The following DUS2 variants were observed in gnomAD, a reference collection of about 807,000 sequenced individuals.
The protein encoded by DUS2 is tRNA-dihydrouridine(20) synthase [NAD(P)+]-like.
Under a neutral mutation model 71.3 loss-of-function variants are expected in DUS2, and 52 were observed. That is an observed-to-expected ratio of 0.73 (90% CI 0.58 to 0.92). The LOEUF is 0.92. Ranked by LOEUF, DUS2 falls within the 40% of genes least tolerant of loss-of-function variation. The pLI, the probability that DUS2 is intolerant of heterozygous loss-of-function variation, is 0.00. For missense variants in DUS2, 558 were observed against 622.6 expected (o/e 0.90, Z 1.10); for synonymous variants, 204 against 227.8 (o/e 0.90, Z 0.94).
At chr16:68,036,915 T>C (rs542046198) in intron 2 of DUS2, among the ~76,000 whole-genome samples, 1 of 152,292 alleles carries the variant, frequency 6.6e-6, no homozygotes. Context: ...TCAAATCTTA[T>C]CTTCTCATTA....
chr16:68,072,788 C>T (rs567614546), intron 12 of DUS2, among the ~76,000 whole-genome samples: 4 of 152,202 alleles, frequency 2.6e-5, no homozygotes, highest in Non-Finnish European at 4.4e-5. Context: ...TCTAGCCAGC[C>T]GACTTCCACT....
intron 8 of DUS2, among the ~76,000 whole-genome samples, chr16:68,062,528 G>A (rs1353751333): frequency 1.3e-5 from 2 of 151,478 alleles, no homozygotes; most frequent in Admixed American, 1.3e-4. Context: ...GACCATTCTG[G>A]CTAACACGGT....
At chr16:68,071,843 T>G (rs561378713) in intron 12 of DUS2, among the ~76,000 whole-genome samples, 1 of 152,312 alleles carries the variant, frequency 6.6e-6, no homozygotes, top group African/African-American at 2.4e-5. Context: ...CTCCCTATGT[T>G]GCCCAGGCTG....
chr16:68,038,416 G>A (rs2033567007), intron 3 of DUS2, among the ~76,000 whole-genome samples: 1 of 152,054 alleles, frequency 6.6e-6, no homozygotes, highest in Non-Finnish European at 1.5e-5. Context: ...GCAACATAGT[G>A]GGACCTCATC....
intron 3 of DUS2, among the ~76,000 whole-genome samples, chr16:68,048,339 A>G (rs1376554868): frequency 6.6e-6 from 1 of 152,192 alleles, no homozygotes; most frequent in African/African-American, 2.4e-5. Flanking sequence ...AGCACAGGCC[A>G]TTCAGTGCTT....
chr16:68,066,952 A>G (rs978648409), intron 10 of DUS2, among the ~76,000 whole-genome samples: 16 of 151,856 alleles, frequency 1.1e-4, no homozygotes, highest in Admixed American at 9.2e-4. Context: ...AATTTGCTCA[A>G]AATCATACCA....
Position 68,023,315 on chromosome 16 carries a change from G to GAAGAAGCGAGGTTCTTTTT in DUS2, c.-130_-112dup. Reference sequence around the variant, plus strand: ...GTGTGTGGAGCTGGAGCACCGTGAGGAAGAAGCGAGGTTCTTTTTAAGAGT... The same window carrying GAAGAAGCGAGGTTCTTTTT: ...GTGTGTGGAGCTGGAGCACCGTGAGGAAGAAGCGAGGTTCTTTTTAAGAAGCGAGGTTCTTTTTAAGAGT... On this transcript the variant is annotated 5_prime_UTR_variant, in exon 1 of 17. Coordinates refer to ENST00000565263, the MANE Select transcript of DUS2 (RefSeq NM_017803.5). 7.9e-7 allele frequency: 1 copy of GAAGAAGCGAGGTTCTTTTT among 1,269,030 alleles called. No homozygotes were observed. Among genetic ancestry groups the GAAGAAGCGAGGTTCTTTTT allele is most frequent in the South Asian group, 1.5e-5 (1 of 65,546 alleles). 78.6% of individuals were successfully genotyped at this position (1,269,030 alleles called of 1,614,324 possible). A position where few individuals can be genotyped will look rare whatever the true frequency, so the allele number is the denominator to read the frequency against.
At chr16:68,029,980 A>C (rs1457848623) in intron 2 of DUS2, among the ~76,000 whole-genome samples, 1 of 151,190 alleles carries the variant, frequency 6.6e-6, no homozygotes, top group African/African-American at 2.4e-5. Flanking sequence ...TCCTGGCCTC[A>C]AACGATCCTC....
intron 4 of DUS2, among the ~76,000 whole-genome samples, chr16:68,052,753 C>T (rs113258243): frequency 0.13 from 18,878 of 150,966 alleles, 1,276 homozygotes; most frequent in South Asian, 0.2. Flanking sequence ...AGAGATTGTG[C>T]TGCCTCAGCC....
chr16:68,032,364 A>T (rs1240368937), intron 2 of DUS2, among the ~76,000 whole-genome samples: 1 of 151,790 alleles, frequency 6.6e-6, no homozygotes, highest in Non-Finnish European at 1.5e-5. Context: ...AAGCAGCCAC[A>T]CTCCTGTTCT....
At chr16:68,048,905 C>T (rs904318400) in intron 3 of DUS2, among the ~76,000 whole-genome samples, 1 of 152,144 alleles carries the variant, frequency 6.6e-6, no homozygotes, top group Non-Finnish European at 1.5e-5. Flanking sequence ...GGTTTTCTTC[C>T]ATTTATGATG....
chr16:68,028,361 C>A (rs775269339), intron 2 of DUS2, among the ~76,000 whole-genome samples: 2 of 151,970 alleles, frequency 1.3e-5, no homozygotes, highest in Non-Finnish European at 2.9e-5. Context: ...AGAGGCCAGG[C>A]GCGGTGGCTC....
intron 11 of DUS2, among the ~76,000 whole-genome samples, 187 bp downstream of exon 11, chr16:68,070,407 A>G (rs2034067436): frequency 6.6e-6 from 1 of 152,198 alleles, no homozygotes; most frequent in Non-Finnish European, 1.5e-5. Flanking sequence ...TGCCTGTCTC[A>G]GGACTGAGGC....
intron 3 of DUS2, among the ~76,000 whole-genome samples, chr16:68,048,849 G>T (rs1450344996): frequency 6.6e-6 from 1 of 152,170 alleles, no homozygotes; most frequent in Admixed American, 6.5e-5. Context: ...GAACAGTCTT[G>T]TCTCCAACTA....
At chr16:68,048,307 G>A (rs1290727074) in intron 3 of DUS2, among the ~76,000 whole-genome samples, 1 of 152,134 alleles carries the variant, frequency 6.6e-6, no homozygotes, top group East Asian at 1.9e-4. Context: ...AGCTCAGTTT[G>A]GCTACTGAAT....
At chr16:68,071,965 A>T (rs1409363963) in intron 12 of DUS2, among the ~76,000 whole-genome samples, 1 of 152,232 alleles carries the variant, frequency 6.6e-6, no homozygotes, top group Non-Finnish European at 1.5e-5. Context: ...TCTTTGGCAC[A>T]ACCCTGGAAC....
intron 1 of DUS2, among the ~76,000 whole-genome samples, chr16:68,024,310 G>A (rs761930485): frequency 2.0e-5 from 3 of 151,998 alleles, no homozygotes; most frequent in African/African-American, 7.2e-5. Flanking sequence ...TGTAGGCCTG[G>A]CTGGTCTCGA....
At chr16:68,073,500 A>T (rs1363591429) in intron 12 of DUS2, among the ~76,000 whole-genome samples, 2 of 142,824 alleles carry the variant, frequency 1.4e-5, no homozygotes, top group African/African-American at 2.7e-5. Flanking sequence ...CCCAGGCTGG[A>T]GTGCAGTGGC....
At position 68,075,598 on chromosome 16, in the gene DUS2, A is replaced by C. The variant is rs907167135; in HGVS notation, c.1082+94A>C. On this transcript the variant is annotated intron_variant, in intron 14 of 16. Transcript: ENST00000565263. ...CTGGCTGCTGTATGTGCTTAATGTC[A>C]AACGTAGGGACCACAGGTCTTGTTG... 1.6e-5 allele frequency: 20 copies of C among 1,270,182 alleles called. No homozygotes were observed. The African/African-American group carries it at 3.0e-4, about 19-fold the overall frequency. The allele number at this position is 1,270,182 out of a possible 1,614,324, so 78.7% of individuals were successfully genotyped here.
Sources: allele counts gnomAD v4.1 joint callset (sites outside exome capture counted in the v4.1 genomes callset), GRCh38; gene constraint gnomAD v4.1.1; transcripts MANE v1.5; gene names NCBI Gene and HGNC (gene_info 2026-07-23, HGNC 2026-07-21).